DPP10: variants seen among roughly 807,000 people sequenced by gnomAD.
DPP10 encodes the protein inactive dipeptidyl peptidase 10.
Under a neutral mutation model 120.9 loss-of-function variants are expected in DPP10, and 33 were observed. That is an observed-to-expected ratio of 0.27 (90% CI 0.21 to 0.37). The LOEUF is 0.37. Among genes scored for constraint, DPP10 ranks in the 10% least tolerant of loss-of-function variants. The pLI, the probability that DPP10 is intolerant of heterozygous loss-of-function variation, is 1.00. For missense variants in DPP10, 816 were observed against 942.8 expected (o/e 0.87, Z 1.76); for synonymous variants, 337 against 326.1 (o/e 1.03, Z -0.36).
chr2:115,156,168 T>C (rs1230149782), intron 1 of DPP10, among the ~76,000 whole-genome samples: 1 of 152,218 alleles, frequency 6.6e-6, no homozygotes, highest in Non-Finnish European at 1.5e-5. Context: ...TGTTTTAATG[T>C]GTCTTATTTC....
chr2:115,632,174 T>C (rs773300363), intron 5 of DPP10, among the ~76,000 whole-genome samples: 24 of 152,212 alleles, frequency 1.6e-4, no homozygotes, highest in Non-Finnish European at 2.8e-4. Flanking sequence ...AATGCCCTTC[T>C]TTGTCTTTTT....
rs115674315 is a variant in DPP10, at chr2:114,698,643, G to A, written c.60+255805G>A. ...AGGGTTGATTAAATCTAAGTCAGGA[G>A]AACAAGGCTCAATCAGTCAAGGGAT... is the stretch of plus-strand genomic sequence containing the variant. On this transcript the variant is annotated intron_variant, in intron 1 of 25. Transcript: ENST00000410059. Among the ~76,000 whole-genome samples the A allele has an allele frequency of 6.6e-3, 1,005 of 152,172 alleles. 5 individuals are homozygous for A. The highest frequency in any genetic ancestry group is 0.011 in the Admixed American group (167 of 15,272).
chr2:115,671,775 T>C (rs1287741109), intron 5 of DPP10, among the ~76,000 whole-genome samples: 1 of 152,126 alleles, frequency 6.6e-6, no homozygotes, highest in East Asian at 1.9e-4. Flanking sequence ...ATTTTCTTTC[T>C]CTTAGCTAAC....
Position 115,756,777 on chromosome 2 carries a change from T to C in DPP10, c.1074+3480T>C, listed in dbSNP as rs147969385. 4.8e-3 allele frequency among the ~76,000 whole-genome samples: 723 copies of C among 152,196 alleles called. 10 individuals carry two copies. Among genetic ancestry groups the C allele is most frequent in the African/African-American group, 0.017 (694 of 41,540 alleles). ...GTAGTTTATAATGAACAGAAACTTA[T>C]TGACTCACAGTTTTGGAGGCTGGGA... On this transcript the variant is annotated intron_variant, in intron 11 of 25. Coordinates refer to ENST00000410059, the MANE Select transcript of DPP10 (RefSeq NM_020868.6).
chr2:115,341,741 G>A (rs1395148450), intron 2 of DPP10, among the ~76,000 whole-genome samples: 1 of 151,680 alleles, frequency 6.6e-6, no homozygotes, highest in Admixed American at 6.6e-5. Flanking sequence ...TTCATAATAT[G>A]CATTTAAGTT....
At chr2:115,727,702 T>G (rs931251390) in intron 7 of DPP10, 114 bp from the exon 8 acceptor site, 2 of 1,188,952 alleles carry the variant, frequency 1.7e-6, no homozygotes, top group Non-Finnish European at 1.1e-6. Flanking sequence ...AAAAACAACT[T>G]GAAGCCCGTA....
At chr2:114,915,672 A>T (rs1365960984) in intron 1 of DPP10, among the ~76,000 whole-genome samples, 6 of 152,334 alleles carry the variant, frequency 3.9e-5, no homozygotes, top group Non-Finnish European at 7.4e-5. Flanking sequence ...AAAAATAGAA[A>T]TCAATACCAA....
intron 1 of DPP10, among the ~76,000 whole-genome samples, chr2:114,604,341 C>T (rs1318035726): frequency 6.6e-6 from 1 of 152,036 alleles, no homozygotes; most frequent in Non-Finnish European, 1.5e-5. Context: ...AGTCTCAGGC[C>T]TTCTCAGTTT....
intron 3 of DPP10, among the ~76,000 whole-genome samples, chr2:115,390,535 G>A (rs146119454): frequency 1.3e-5 from 2 of 152,054 alleles, no homozygotes; most frequent in Admixed American, 6.6e-5. Flanking sequence ...GATGTAAACA[G>A]GGATACTGGC....
At chr2:115,254,035 C>T (rs2058866924) in intron 1 of DPP10, among the ~76,000 whole-genome samples, 1 of 151,818 alleles carries the variant, frequency 6.6e-6, no homozygotes, top group East Asian at 1.9e-4. Flanking sequence ...CCCAAGCCTT[C>T]TTAACTCTTG....
chr2:115,188,395 G>A, intron 1 of DPP10, among the ~76,000 whole-genome samples: 1 of 152,140 alleles, frequency 6.6e-6, no homozygotes, highest in East Asian at 1.9e-4. Context: ...GTATAAAGAA[G>A]TTTGGGCTAA....
chr2:115,309,488 T>A lies in DPP10; in HGVS notation c.175+135T>A, dbSNP rs1409329362. 4.2e-6 allele frequency: 3 copies of A among 711,774 alleles called. No individual in the cohort carries two copies. In the East Asian group the frequency reaches 8.6e-5, roughly 20 times the overall value. 44.1% of individuals were successfully genotyped at this position (711,774 alleles called of 1,614,324 possible). A position where few individuals can be genotyped will look rare whatever the true frequency, so the allele number is the denominator to read the frequency against. ...TGGGTTGGAATTTGGAAAAAAAGCA[T>A]AATCAGACATTTTGCAAATGGCACA... On this transcript the variant is annotated intron_variant, in intron 2 of 25. Coordinates refer to ENST00000410059, the MANE Select transcript of DPP10 (RefSeq NM_020868.6).
At chr2:114,890,636 T>C (rs1431556393) in intron 1 of DPP10, among the ~76,000 whole-genome samples, 2 of 152,238 alleles carry the variant, frequency 1.3e-5, no homozygotes, top group Non-Finnish European at 2.9e-5. Flanking sequence ...TGGATAGTTA[T>C]TAGCATCATT....
At chr2:114,931,968 T>G (rs759145147) in intron 1 of DPP10, among the ~76,000 whole-genome samples, 2 of 152,234 alleles carry the variant, frequency 1.3e-5, no homozygotes, top group Non-Finnish European at 2.9e-5. Flanking sequence ...GACATTGCCT[T>G]TCTGTTCGCT....
intron 1 of DPP10, among the ~76,000 whole-genome samples, chr2:114,708,992 G>A (rs1700855348): frequency 6.6e-6 from 1 of 152,294 alleles, no homozygotes. Flanking sequence ...CTGGCCTCAA[G>A]GGACCCACCC....
chr2:114,890,057 G>A (rs1424217177), intron 1 of DPP10, among the ~76,000 whole-genome samples: 1 of 152,162 alleles, frequency 6.6e-6, no homozygotes, highest in African/African-American at 2.4e-5. Flanking sequence ...AATAAGTCAT[G>A]TCTCCTTTCG....
chr2:115,658,824 G>A (rs935171395), intron 5 of DPP10, among the ~76,000 whole-genome samples: 11 of 151,992 alleles, frequency 7.2e-5, no homozygotes, highest in Non-Finnish European at 1.0e-4. Context: ...TAAATGAAGG[G>A]TCCTGGGAAT....
rs1429904256 is a variant in DPP10, at chr2:114,814,411, G to A, written c.60+371573G>A. Among the ~76,000 whole-genome samples, 8 of 150,036 alleles carry A rather than the reference G, an allele frequency of 5.3e-5. No homozygotes were observed. The East Asian group carries it at 1.2e-3, about 22-fold the overall frequency. On this transcript the variant is annotated intron_variant, in intron 1 of 25. Transcript: ENST00000410059. ...GGATCTTAGGCTTTTTTTTTTCCTC[G>A]ACATTAGTACTGTACAATTGTAATA...
chr2:115,742,683 C>CA lies in DPP10; in HGVS notation c.852+2796dup, dbSNP rs5833627. 3.7e-4 allele frequency among the ~76,000 whole-genome samples: 57 copies of CA among 152,048 alleles called. No individual in the cohort carries two copies. In the East Asian group the frequency reaches 9.9e-3, roughly 26 times the overall value. On this transcript the variant is annotated intron_variant, in intron 9 of 25. Coordinates refer to ENST00000410059, the MANE Select transcript of DPP10 (RefSeq NM_020868.6). The stretch of plus-strand genomic sequence containing the variant: ...GATTTTTTATTATCTACTCTGGTTT[C>CA]AAAAAATGTTTTGTTAGTTTTTGCT...
Sources: gnomAD v4.1 joint callset for allele counts (sites outside exome capture counted in the v4.1 genomes callset) on GRCh38, gnomAD v4.1.1 for gene constraint, MANE v1.5 for transcripts, NCBI Gene and HGNC (gene_info 2026-07-23, HGNC 2026-07-21) for gene names.